CDKN1B: variants seen among roughly 807,000 people sequenced by gnomAD.
The protein encoded by CDKN1B is cyclin-dependent kinase inhibitor 1B.
CDKN1B carries 7 observed loss-of-function variants against 17.1 expected under a neutral mutation model. The ratio of observed to expected loss-of-function variants is 0.41; its 90% CI spans 0.23 to 0.77. The LOEUF is 0.77. CDKN1B is among the 30% of genes least tolerant of loss of function. The probability of loss-of-function intolerance (pLI) is 0.33; values close to 1 mark genes in which losing one functional copy is unlikely to be tolerated. For synonymous variants in CDKN1B, 149 were observed against 104.3 expected, an observed-to-expected ratio of 1.43 and a Z score of -2.61; for missense variants, 337 against 262.0, an observed-to-expected ratio of 1.29 and a Z score of -1.98.
chr12:12,718,859 A>G lies in CDKN1B; in HGVS notation c.510A>G (p.Thr170=), dbSNP rs750494869. 1 of 1,614,198 alleles carries G rather than the reference A, an allele frequency of 6.2e-7. No homozygotes were observed. Among genetic ancestry groups the G allele is most frequent in the South Asian group, 1.1e-5 (1 of 91,080 alleles). Residue 170 remains threonine (T), a synonymous_variant, in exon 2 of 3, where the codon ACA becomes ACG. Coordinates refer to ENST00000228872, the MANE Select transcript of CDKN1B (RefSeq NM_004064.5). ...CTCAAAACAAAAGAGCCAACAGAACAGAAGAAAATGTTTCAGACGGTTCCC... is the reference window on the plus strand; with the variant it reads ...CTCAAAACAAAAGAGCCAACAGAACGGAAGAAAATGTTTCAGACGGTTCCC... ...SSTQNKRANR[T]EENVSDGSPN...
rs773825212 is a variant in CDKN1B, at chr12:12,721,406, T to C, written c.*379T>C. 1.7e-4 allele frequency: 67 copies of C among 397,986 alleles called. No individual in the cohort carries two copies. Among genetic ancestry groups the C allele is most frequent in the Non-Finnish European group, 2.8e-4 (62 of 222,644 alleles). 24.7% of individuals were successfully genotyped at this position (397,986 alleles called of 1,614,324 possible). A position where few individuals can be genotyped will look rare whatever the true frequency, so the allele number is the denominator to read the frequency against. ...TTGATTTACAGCAAGTAGATAAATA[T>C]TTGACTTGCATGAAGAGAAGCAATT... is the stretch of plus-strand genomic sequence containing the variant. On this transcript the variant is annotated 3_prime_UTR_variant, in exon 3 of 3. Transcript: ENST00000228872.
Position 12,721,419 on chromosome 12 carries a change from A to T in CDKN1B, c.*392A>T. 2.6e-6 allele frequency: 1 copy of T among 383,630 alleles called. No homozygotes were observed. Among genetic ancestry groups the T allele is most frequent in the Non-Finnish European group, 4.7e-6 (1 of 214,958 alleles). The allele number at this position is 383,630 out of a possible 1,614,324, so 23.8% of individuals were successfully genotyped here. ...AGTAGATAAATATTTGACTTGCATG[A>T]AGAGAAGCAATTTTGGGGAAGGGTT... is the stretch of plus-strand genomic sequence containing the variant. On this transcript the variant is annotated 3_prime_UTR_variant, in exon 3 of 3. Coordinates refer to ENST00000228872, the MANE Select transcript of CDKN1B (RefSeq NM_004064.5).
chr12:12,720,170 C>T (rs1946528021), intron 2 of CDKN1B, among the ~76,000 whole-genome samples: 1 of 150,148 alleles, frequency 6.7e-6, no homozygotes, highest in Admixed American at 6.9e-5. Flanking sequence ...GAAAATTTTC[C>T]TGAAGCAACC....
chr12:12,718,379 A>G, intron 1 of CDKN1B, 65 bp downstream of exon 1: 1 of 1,419,178 alleles, frequency 7.0e-7, no homozygotes, highest in South Asian at 1.2e-5. Flanking sequence ...GAGGGTGTTA[A>G]CCTTAGCTTG....
chr12:12,717,484 C>T lies in CDKN1B; in HGVS notation c.-356C>T. 1 of 1,343,222 alleles carries T rather than the reference C, an allele frequency of 7.4e-7. No homozygotes were observed. The highest frequency in any genetic ancestry group is 9.6e-7 in the Non-Finnish European group (1 of 1,044,212). The allele number at this position is 1,343,222 out of a possible 1,614,324, so 83.2% of individuals were successfully genotyped here. ...CCCGCTTGCTCACGGCTCTGCGACT[C>T]CGACGCCGGCAAGGTTTGGAGAGCG... On this transcript the variant is annotated 5_prime_UTR_variant, in exon 1 of 3. Coordinates refer to ENST00000228872, the MANE Select transcript of CDKN1B (RefSeq NM_004064.5).
intron 1 of CDKN1B, 99 bp downstream of exon 1, chr12:12,718,413 C>A: frequency 1.8e-6 from 2 of 1,111,454 alleles, no homozygotes; most frequent in Non-Finnish European, 2.6e-6. Flanking sequence ...TCTGATTTAG[C>A]TTTGGGAGAG....
Position 12,718,898 on chromosome 12 carries a change from T to C in CDKN1B, c.549T>C (p.Ser183=), listed in dbSNP as rs1946512855. ...CAGACGGTTCCCCAAATGCCGGTTC[T>C]GTGGAGCAGACGCCCAAGAAGCCTG... ...NVSDGSPNAG[S]VEQTPKKPGL... The change falls in exon 2 of 3, where the codon TCT becomes TCC. Residue 183 remains serine, a synonymous_variant. Coordinates refer to ENST00000228872, the MANE Select transcript of CDKN1B (RefSeq NM_004064.5). 2 of 1,614,186 alleles carry C rather than the reference T, an allele frequency of 1.2e-6. No individual in the cohort carries two copies. The highest frequency in any genetic ancestry group is 8.5e-7 in the Non-Finnish European group (1 of 1,180,034).
In CDKN1B at chr12:12,717,983, C is replaced by T. The variant is rs774000089; in HGVS notation, c.144C>T (p.His48=). The part of the protein sequence containing the change: ...HEELTRDLEK[H]CRDMEEASQR... ...AGTTAACCCGGGACTTGGAGAAGCA[C>T]TGCAGAGACATGGAAGAGGCGAGCC... is the stretch of plus-strand genomic sequence containing the variant. The change falls in exon 1 of 3, where the codon CAC becomes CAT. Residue 48 remains histidine, a synonymous_variant. Transcript: ENST00000228872. 1.2e-6 allele frequency: 2 copies of T among 1,614,226 alleles called. No homozygotes were observed. The highest frequency in any genetic ancestry group is 2.2e-5 in the South Asian group (2 of 91,084).
Position 12,717,993 on chromosome 12 carries a change from A to C in CDKN1B, c.154A>C (p.Met52Leu), listed in dbSNP as rs760647541. The change falls in exon 1 of 3, where the codon ATG (methionine) becomes CTG (leucine). Residue 52 changes from methionine (M) to leucine (L), a missense_variant. Transcript: ENST00000228872. Reference protein sequence around the residue: ...TRDLEKHCRDMEEASQRKWNF... With the variant: ...TRDLEKHCRDLEEASQRKWNF... ...GGACTTGGAGAAGCACTGCAGAGAC[A>C]TGGAAGAGGCGAGCCAGCGCAAGTG... The C allele has an allele frequency of 5.6e-6, 9 of 1,614,138 alleles. No homozygotes were observed. In the East Asian group the frequency reaches 1.8e-4, roughly 32 times the overall value.
chr12:12,718,455 A>G (rs1946503501), intron 1 of CDKN1B, 141 bp downstream of exon 1: 1 of 754,538 alleles, frequency 1.3e-6, no homozygotes, highest in Non-Finnish European at 2.2e-6. Context: ...GTTCAGTGCT[A>G]CCTGGCCCAC....
Position 12,718,943 on chromosome 12 carries a change from G to GT in CDKN1B, c.595dup (p.Ter199LeufsTer6). 1 of 1,613,994 alleles carries GT rather than the reference G, an allele frequency of 6.2e-7. No homozygotes were observed. Among genetic ancestry groups the GT allele is most frequent in the Non-Finnish European group, 8.5e-7 (1 of 1,180,038 alleles). On this transcript the variant is annotated frameshift_variant, in exon 2 of 3. Coordinates refer to ENST00000228872, the MANE Select transcript of CDKN1B (RefSeq NM_004064.5). LOFTEE classifies it high-confidence loss of function. ...AGCCTGGCCTCAGAAGACGTCAAAC[G>GT]TAAACAGCTCGGTGGGTTGATCACT...
At position 12,717,385 on chromosome 12, in the gene CDKN1B, C is replaced by T. The variant is rs1946474044; in HGVS notation, c.-455C>T. ...ATCATTTTCTTCTTCGTCAGCCTCC[C>T]TTCCACCGCCATATTGGGCCACTAA... On this transcript the variant is annotated 5_prime_UTR_variant, in exon 1 of 3. Coordinates refer to ENST00000228872, the MANE Select transcript of CDKN1B (RefSeq NM_004064.5). 1 of 1,178,630 alleles carries T rather than the reference C, an allele frequency of 8.5e-7. No homozygotes were observed. The highest frequency in any genetic ancestry group is 1.1e-6 in the Non-Finnish European group (1 of 946,856). The allele number at this position is 1,178,630 out of a possible 1,614,324, so 73.0% of individuals were successfully genotyped here.
At position 12,717,573 on chromosome 12, in the gene CDKN1B, C is replaced by T. The variant is rs1946478443; in HGVS notation, c.-267C>T. 4.2e-6 allele frequency: 6 copies of T among 1,418,956 alleles called. No individual in the cohort carries two copies. In the East Asian group the frequency reaches 7.7e-5, roughly 18 times the overall value. The allele number at this position is 1,418,956 out of a possible 1,614,324, so 87.9% of individuals were successfully genotyped here. A position where few individuals can be genotyped will look rare whatever the true frequency, so the allele number is the denominator to read the frequency against. On this transcript the variant is annotated 5_prime_UTR_variant, in exon 1 of 3. Transcript: ENST00000228872. ...ACTCGGACGGGCTTTGCCACCCTCT[C>T]CGCTTGCCTGGTCCCCTCTCCTCTC...
chr12:12,717,660 C>G lies in CDKN1B; in HGVS notation c.-180C>G. 1.3e-6 allele frequency: 2 copies of G among 1,492,012 alleles called. No homozygotes were observed. Among genetic ancestry groups the G allele is most frequent in the Non-Finnish European group, 1.8e-6 (2 of 1,128,204 alleles). 92.4% of individuals were successfully genotyped at this position (1,492,012 alleles called of 1,614,324 possible). ...ACTCGGCGGCCGGGCCGGGGCTTCCCCGCAGCCCCTGCGCGCTCCTAGAGC... is the reference window on the plus strand; with the variant it reads ...ACTCGGCGGCCGGGCCGGGGCTTCCGCGCAGCCCCTGCGCGCTCCTAGAGC... On this transcript the variant is annotated 5_prime_UTR_variant, in exon 1 of 3. Coordinates refer to ENST00000228872, the MANE Select transcript of CDKN1B (RefSeq NM_004064.5).
chr12:12,718,114 C>G lies in CDKN1B; in HGVS notation c.275C>G (p.Pro92Arg). The change falls in exon 1 of 3, where the codon CCG becomes CGG. Residue 92 changes from proline (P) to arginine (R), a missense_variant. Transcript: ENST00000228872. ...GSLPEFYYRP[P>R]RPPKGACKVP... ...TTGCCCGAGTTCTACTACAGACCCCCGCGGCCCCCCAAAGGTGCCTGCAAG... is the reference window on the plus strand; with the variant it reads ...TTGCCCGAGTTCTACTACAGACCCCGGCGGCCCCCCAAAGGTGCCTGCAAG... The G allele has an allele frequency of 6.2e-7, 1 of 1,614,208 alleles. No individual in the cohort carries two copies. Among genetic ancestry groups the G allele is most frequent in the Non-Finnish European group, 8.5e-7 (1 of 1,180,044 alleles).
Position 12,718,967 on chromosome 12 carries a change from C to G in CDKN1B, c.*8+13C>G. On this transcript the variant is annotated intron_variant, in intron 2 of 2. Coordinates refer to ENST00000228872, the MANE Select transcript of CDKN1B (RefSeq NM_004064.5). ...CGTAAACAGCTCGGTGGGTTGATCA[C>G]TAAAGGAGCACGCACTGGAACCCGG... 1 of 1,613,444 alleles carries G rather than the reference C, an allele frequency of 6.2e-7. No individual in the cohort carries two copies. Among genetic ancestry groups the G allele is most frequent in the Non-Finnish European group, 8.5e-7 (1 of 1,180,014 alleles).
rs369871673 is a variant in CDKN1B at position 12,718,249 on chromosome 12, C to T, written c.410C>T (p.Pro137Leu). The T allele has an allele frequency of 2.4e-5, 38 of 1,610,748 alleles. No homozygotes were observed. Among genetic ancestry groups the T allele is most frequent in the Non-Finnish European group, 3.1e-5 (37 of 1,179,904 alleles). The change falls in exon 1 of 3, where the codon CCG becomes CTG. Residue 137 changes from proline (P) to leucine (L), a missense_variant. By Grantham distance (98) the Pro-to-Leu change is moderately conservative. Transcript: ENST00000228872. ...DTHLVDPKTD[P>L]SDSQTGLAEQ... ...CATTTGGTGGACCCAAAGACTGATC[C>T]GTCGGACAGCCAGACGGGGTTAGCG...
In CDKN1B at chr12:12,717,565, C is replaced by T; in HGVS notation, c.-275C>T. The T allele has an allele frequency of 2.8e-6, 4 of 1,414,412 alleles. No individual in the cohort carries two copies. The highest frequency in any genetic ancestry group is 3.0e-5 in the South Asian group (2 of 66,034). The allele number at this position is 1,414,412 out of a possible 1,614,324, so 87.6% of individuals were successfully genotyped here. A position where few individuals can be genotyped will look rare whatever the true frequency, so the allele number is the denominator to read the frequency against. On this transcript the variant is annotated 5_prime_UTR_variant, in exon 1 of 3. Coordinates refer to ENST00000228872, the MANE Select transcript of CDKN1B (RefSeq NM_004064.5). ...CCGCCCAGACTCGGACGGGCTTTGC[C>T]ACCCTCTCCGCTTGCCTGGTCCCCT...
chr12:12,718,680 T>G, intron 1 of CDKN1B, 145 bp from the exon 2 acceptor site: 1 of 968,512 alleles, frequency 1.0e-6, no homozygotes, highest in Non-Finnish European at 1.6e-6. Context: ...TTTGTGCCCT[T>G]AAAAGCCACT....
Sources: gnomAD v4.1 joint callset for allele counts (sites outside exome capture counted in the v4.1 genomes callset) on GRCh38, gnomAD v4.1.1 for gene constraint, MANE v1.5 for transcripts, NCBI Gene and HGNC (gene_info 2026-07-23, HGNC 2026-07-21) for gene names.